The following UBE2L5 variants were observed in gnomAD, a reference collection of about 807,000 sequenced individuals.
The protein encoded by UBE2L5 is ubiquitin conjugating enzyme E2 L5.
In UBE2L5, 3 loss-of-function variants were observed where a neutral mutation model predicts 10.0. The ratio of observed to expected loss-of-function variants is 0.30; its 90% CI spans 0.14 to 0.78. The LOEUF is 0.78. Among genes scored for constraint, UBE2L5 ranks in the 30% least tolerant of loss-of-function variants. The pLI is 0.65. For synonymous variants in UBE2L5, 60 were observed against 71.9 expected (o/e 0.83, Z 0.83); for missense variants, 131 against 193.3 (o/e 0.68, Z 1.91).
In UBE2L5 at chr13:30,427,645, C is replaced by CA. The variant is rs76971782; in HGVS notation, c.-338dup. The stretch of plus-strand genomic sequence containing the variant: ...TGAAACCTCGTCTCTACTAAAAATA[C>CA]AAAAAAAAGTTAGCTGTGCATGGTG... On this transcript the variant is annotated 5_prime_UTR_variant, in exon 4 of 4. Coordinates refer to ENST00000635918, the MANE Select transcript of UBE2L5 (RefSeq NM_001355247.2). 3.7e-3 allele frequency: 931 copies of CA among 252,682 alleles called. 19 individuals are homozygous for CA. The East Asian group carries it at 0.041, about 11-fold the overall frequency. 15.7% of individuals were successfully genotyped at this position (252,682 alleles called of 1,614,324 possible). A position where few individuals can be genotyped will look rare whatever the true frequency, so the allele number is the denominator to read the frequency against.
intron 2 of UBE2L5, among the ~76,000 whole-genome samples, chr13:30,425,637 G>A (rs758211202): frequency 6.6e-5 from 10 of 152,362 alleles, no homozygotes; most frequent in Middle Eastern, 6.8e-3. Context: ...ACTTACCATA[G>A]TACCGTTTAG....
Position 30,428,849 on chromosome 13 carries a change from C to CTTTTTTTTTTTTTTTT in UBE2L5, c.*397_*412dup, listed in dbSNP as rs56343313. Among the ~76,000 whole-genome samples, 1 of 123,252 alleles carries CTTTTTTTTTTTTTTTT rather than the reference C, an allele frequency of 8.1e-6. No homozygotes were observed. The allele number at this position is 123,252 out of a possible 152,430, so 80.9% of individuals were successfully genotyped here. On this transcript the variant is annotated 3_prime_UTR_variant, in exon 4 of 4. Transcript: ENST00000635918. ...AAGAGATTGTATGCTATATTCCTTGCTTTTTTTTTTTTTTTTTTGGTGGAT... is the reference window on the plus strand; with the variant it reads ...AAGAGATTGTATGCTATATTCCTTGCTTTTTTTTTTTTTTTTTTTTTTTTTTTTTTTTTTGGTGGAT...
At chr13:30,423,926 C>T (rs894517818) in intron 1 of UBE2L5, among the ~76,000 whole-genome samples, 2 of 152,256 alleles carry the variant, frequency 1.3e-5, no homozygotes, top group Non-Finnish European at 2.9e-5. Flanking sequence ...GCTTAACGCC[C>T]TGGGATTTGT....
At chr13:30,425,224 T>C (rs1172785641) in intron 2 of UBE2L5, among the ~76,000 whole-genome samples, 1 of 152,182 alleles carries the variant, frequency 6.6e-6, no homozygotes, top group Non-Finnish European at 1.5e-5. Context: ...GTTGTTCAAG[T>C]AGATGAGACA....
chr13:30,424,549 A>G (rs1885511998), intron 1 of UBE2L5, among the ~76,000 whole-genome samples: 4 of 152,110 alleles, frequency 2.6e-5, no homozygotes. Flanking sequence ...AGGAATTTGG[A>G]TCCCCAATAG....
In UBE2L5 at chr13:30,428,037, A is replaced by G. The variant is rs1313052696; in HGVS notation, c.47A>G (p.Lys16Arg). 1 of 1,609,538 alleles carries G rather than the reference A, an allele frequency of 6.2e-7. No individual in the cohort carries two copies. The highest frequency in any genetic ancestry group is 1.3e-5 in the African/African-American group (1 of 74,840). The change falls in exon 4 of 4, where the codon AAA becomes AGA. Residue 16 changes from lysine to arginine, a missense_variant. Lys to Arg is a conservative substitution (Grantham distance 26). Coordinates refer to ENST00000635918, the MANE Select transcript of UBE2L5 (RefSeq NM_001355247.2). ...RLMKELEEIR[K>R]CGMENFRNIQ... ...ATGAAGGAGCTTGAAGAAATCCGCA[A>G]ATGTGGAATGGAAAACTTCCGTAAC... is the stretch of plus-strand genomic sequence containing the variant.
rs1885559432 is a variant in UBE2L5 at position 30,427,785 on chromosome 13, CAGAG to C, written c.-200_-197del. Reference sequence around the variant, plus strand: ...TGCCACTGCACTCCAGCCTGGGCAACAGAGAGAGACTCTGGCTAAAAAAAAAAAA... The same window carrying C: ...TGCCACTGCACTCCAGCCTGGGCAACAGAGACTCTGGCTAAAAAAAAAAAA... On this transcript the variant is annotated 5_prime_UTR_variant, in exon 4 of 4. The change abolishes the stop of an existing upstream ORF in the 5' untranslated region. Coordinates refer to ENST00000635918, the MANE Select transcript of UBE2L5 (RefSeq NM_001355247.2). The C allele has an allele frequency of 1.8e-6, 1 of 568,240 alleles. No individual in the cohort carries two copies. The highest frequency in any genetic ancestry group is 3.1e-6 in the Non-Finnish European group (1 of 323,734). The allele number at this position is 568,240 out of a possible 1,614,324, so 35.2% of individuals were successfully genotyped here.
chr13:30,428,692 A>C lies in UBE2L5; in HGVS notation c.*237A>C. On this transcript the variant is annotated 3_prime_UTR_variant, in exon 4 of 4. Coordinates refer to ENST00000635918, the MANE Select transcript of UBE2L5 (RefSeq NM_001355247.2). ...AAAAAAGTGGCCATTAATAGACGGA[A>C]CTATACACTGGACTAGTTGTTGTTT... The C allele has an allele frequency of 6.1e-6, 3 of 493,314 alleles. No homozygotes were observed. The highest frequency in any genetic ancestry group is 1.0e-5 in the Non-Finnish European group (3 of 286,670). 30.6% of individuals were successfully genotyped at this position (493,314 alleles called of 1,614,324 possible).
At chr13:30,425,932 T>C (rs964748423) in intron 2 of UBE2L5, among the ~76,000 whole-genome samples, 2 of 151,958 alleles carry the variant, frequency 1.3e-5, no homozygotes, top group African/African-American at 4.8e-5. Flanking sequence ...GAGAATCGCT[T>C]GAACCTGGGA....
chr13:30,427,725 A>C lies in UBE2L5; in HGVS notation c.-266A>C. 2.3e-6 allele frequency: 1 copy of C among 441,854 alleles called. No individual in the cohort carries two copies. The allele number at this position is 441,854 out of a possible 1,614,324, so 27.4% of individuals were successfully genotyped here. On this transcript the variant is annotated 5_prime_UTR_variant, in exon 4 of 4. Transcript: ENST00000635918. Reference sequence around the variant, plus strand: ...AGGCCGAGGCGAGAGGATGGCTTGAACCCGGGAGGCTGAGGTTGCAATGAG... The same window carrying C: ...AGGCCGAGGCGAGAGGATGGCTTGACCCCGGGAGGCTGAGGTTGCAATGAG...
rs1006123475 is a variant in UBE2L5, at chr13:30,428,478, C to T, written c.*23C>T. 4 of 1,609,624 alleles carry T rather than the reference C, an allele frequency of 2.5e-6. No individual in the cohort carries two copies. Among genetic ancestry groups the T allele is most frequent in the Non-Finnish European group, 3.4e-6 (4 of 1,179,202 alleles). ...TAAAATGTGCCACGATTGGTTCCAG[C>T]AAGTGTGAGCAGAGACCCCGTGCAG... On this transcript the variant is annotated 3_prime_UTR_variant, in exon 4 of 4. Transcript: ENST00000635918.
chr13:30,423,847 C>T (rs1305980991), intron 1 of UBE2L5, among the ~76,000 whole-genome samples: 1 of 152,192 alleles, frequency 6.6e-6, no homozygotes, highest in African/African-American at 2.4e-5. Flanking sequence ...TACCTTCATG[C>T]CAGCAGATGC....
chr13:30,422,541 T>C lies in UBE2L5; in HGVS notation c.-915T>C, dbSNP rs970778281. On this transcript the variant is annotated 5_prime_UTR_variant, in exon 1 of 4. The change abolishes an upstream ATG in the 5' untranslated region. Coordinates refer to ENST00000635918, the MANE Select transcript of UBE2L5 (RefSeq NM_001355247.2). ...GAGAGGGAAAGCTGTTCTCCTTTGA[T>C]GCTCTTTGGTTTTACAGTGGAAAAC... The C allele has an allele frequency of 1.3e-5, 2 of 152,172 alleles. No individual in the cohort carries two copies. Among genetic ancestry groups the C allele is most frequent in the Non-Finnish European group, 2.9e-5 (2 of 68,030 alleles). 9.4% of individuals were successfully genotyped at this position (152,172 alleles called of 1,614,324 possible). A position where few individuals can be genotyped will look rare whatever the true frequency, so the allele number is the denominator to read the frequency against.
rs934256621 is a variant in UBE2L5, at chr13:30,427,918, G to T, written c.-73G>T. ...TGCCACATCAGAACGTTATTTGAGT[G>T]TATACATACACAACCATTAAAAGTG... On this transcript the variant is annotated 5_prime_UTR_variant, in exon 4 of 4. Coordinates refer to ENST00000635918, the MANE Select transcript of UBE2L5 (RefSeq NM_001355247.2). 1 of 942,920 alleles carries T rather than the reference G, an allele frequency of 1.1e-6. No individual in the cohort carries two copies. The highest frequency in any genetic ancestry group is 1.7e-6 in the Non-Finnish European group (1 of 587,006). 58.4% of individuals were successfully genotyped at this position (942,920 alleles called of 1,614,324 possible). A position where few individuals can be genotyped will look rare whatever the true frequency, so the allele number is the denominator to read the frequency against.
intron 1 of UBE2L5, among the ~76,000 whole-genome samples, chr13:30,424,244 T>G (rs1885508005): frequency 6.6e-6 from 1 of 152,222 alleles, no homozygotes; most frequent in Admixed American, 6.5e-5. Flanking sequence ...TCTGCACATG[T>G]GAATTTTCTA....
Position 30,428,157 on chromosome 13 carries a change from A to G in UBE2L5, c.167A>G (p.Asn56Ser), listed in dbSNP as rs1289913604. 1.2e-5 allele frequency: 20 copies of G among 1,607,162 alleles called. No homozygotes were observed. The highest frequency in any genetic ancestry group is 1.6e-5 in the Non-Finnish European group (19 of 1,173,760). Reference protein sequence around the residue: ...YNKGAFRIEINFPAEYPFKPP... With the variant: ...YNKGAFRIEISFPAEYPFKPP... ...AAGGGGGCCTTCAGAATCGAAATCAACTTTCCAGCAGAGTACCCATTCAAA... is the reference window on the plus strand; with the variant it reads ...AAGGGGGCCTTCAGAATCGAAATCAGCTTTCCAGCAGAGTACCCATTCAAA... The change falls in exon 4 of 4, where the codon AAC becomes AGC. Residue 56 changes from asparagine to serine, a missense_variant. Physicochemically the swap from Asn to Ser is conservative, Grantham distance 46 (BLOSUM62 1). Transcript: ENST00000635918.
In UBE2L5 at chr13:30,429,289, C is replaced by CCG. The variant is rs1257544721; in HGVS notation, c.*835_*836insGC. On this transcript the variant is annotated 3_prime_UTR_variant, in exon 4 of 4. Transcript: ENST00000635918. ...AACAAGAGCAAAACTCTGTCCCCCCCCCACAAAAAAAAATTGATTGAAATA... is the reference window on the plus strand; with the variant it reads ...AACAAGAGCAAAACTCTGTCCCCCCCCGCCACAAAAAAAAATTGATTGAAATA... Among the ~76,000 whole-genome samples, 1 of 151,490 alleles carries CCG rather than the reference C, an allele frequency of 6.6e-6. No individual in the cohort carries two copies. The highest frequency in any genetic ancestry group is 2.4e-5 in the African/African-American group (1 of 41,134).
chr13:30,426,102 G>A (rs1488484381), intron 2 of UBE2L5, among the ~76,000 whole-genome samples: 1 of 152,124 alleles, frequency 6.6e-6, no homozygotes, highest in Admixed American at 6.6e-5. Flanking sequence ...ACTGAGGTCA[G>A]GAGTTTGAGA....
At chr13:30,424,551 C>T (rs1443223881) in intron 1 of UBE2L5, among the ~76,000 whole-genome samples, 1 of 152,100 alleles carries the variant, frequency 6.6e-6, no homozygotes, top group South Asian at 2.1e-4. Context: ...GAATTTGGAT[C>T]CCCAATAGTT....
Sources: gnomAD v4.1 joint callset for allele counts (sites outside exome capture counted in the v4.1 genomes callset) on GRCh38, gnomAD v4.1.1 for gene constraint, MANE v1.5 for transcripts, NCBI Gene and HGNC (gene_info 2026-07-23, HGNC 2026-07-21) for gene names.